MEF2A: variants seen among roughly 807,000 people sequenced by gnomAD.
The protein encoded by MEF2A is myocyte enhancer factor 2A, also known as myocyte-specific enhancer factor 2A.
Under a neutral mutation model 55.8 loss-of-function variants are expected in MEF2A, and 28 were observed. The ratio of observed to expected loss-of-function variants is 0.50; its 90% CI spans 0.37 to 0.69. MEF2A has a LOEUF of 0.69. Ranked by LOEUF, MEF2A falls within the 30% of genes least tolerant of loss-of-function variation. MEF2A has a pLI of 0.00. For missense variants in MEF2A, 528 were observed against 626.2 expected (o/e 0.84, Z 1.67); for synonymous variants, 239 against 227.1 (o/e 1.05, Z -0.47).
chr15:99,586,320 T>C (rs1389579964), intron 1 of MEF2A, among the ~76,000 whole-genome samples: 1 of 152,204 alleles, frequency 6.6e-6, no homozygotes, highest in Non-Finnish European at 1.5e-5. Context: ...TTCCAGTTTC[T>C]CCATATCTTC....
chr15:99,575,935 C>T (rs1396378940), intron 1 of MEF2A, among the ~76,000 whole-genome samples: 2 of 152,198 alleles, frequency 1.3e-5, no homozygotes, highest in African/African-American at 4.8e-5. Context: ...TTAGTGGAAA[C>T]TTCTTCACAT....
intron 4 of MEF2A, among the ~76,000 whole-genome samples, chr15:99,656,574 A>G (rs2047748191): frequency 1.3e-5 from 2 of 152,128 alleles, no homozygotes; most frequent in Admixed American, 1.3e-4. Context: ...ACAATATGAT[A>G]TGATTTCCAG....
chr15:99,625,142 TC>T (rs1482878449), intron 2 of MEF2A, among the ~76,000 whole-genome samples: 1 of 152,200 alleles, frequency 6.6e-6, no homozygotes, highest in African/African-American at 2.4e-5. Context: ...TAGGATATTT[TC>T]AATTTATGGT....
chr15:99,573,804 C>T (rs8035430), intron 1 of MEF2A, among the ~76,000 whole-genome samples: 1 of 152,136 alleles, frequency 6.6e-6, no homozygotes, highest in Non-Finnish European at 1.5e-5. Context: ...AAGTCATTCC[C>T]CATTCTAAAT....
intron 4 of MEF2A, among the ~76,000 whole-genome samples, chr15:99,650,125 A>G (rs1170854345): frequency 6.6e-6 from 1 of 152,166 alleles, no homozygotes; most frequent in East Asian, 1.9e-4. Flanking sequence ...TAAAAAAAAA[A>G]TTCTTCTCGC....
At chr15:99,604,199 C>G (rs1886536641) in intron 2 of MEF2A, among the ~76,000 whole-genome samples, 1 of 152,066 alleles carries the variant, frequency 6.6e-6, no homozygotes, top group South Asian at 2.1e-4. Context: ...TGTTTAAAAC[C>G]AAATTTGGAA....
chr15:99,586,852 A>G (rs893210576), intron 1 of MEF2A, among the ~76,000 whole-genome samples: 4 of 152,184 alleles, frequency 2.6e-5, no homozygotes, highest in Admixed American at 1.3e-4. Flanking sequence ...TTATGAGGTA[A>G]TGTCAAGGTT....
intron 2 of MEF2A, among the ~76,000 whole-genome samples, chr15:99,622,301 AT>A (rs2041316939): frequency 6.6e-6 from 1 of 152,094 alleles, no homozygotes; most frequent in African/African-American, 2.4e-5. Flanking sequence ...AATTGGAGAG[AT>A]TCTTTTTTCC....
chr15:99,613,233 T>C (rs960348731), intron 2 of MEF2A, among the ~76,000 whole-genome samples: 1 of 152,230 alleles, frequency 6.6e-6, no homozygotes, highest in African/African-American at 2.4e-5. Flanking sequence ...TTGCTGGTTT[T>C]ATTGTGGGGC....
intron 2 of MEF2A, among the ~76,000 whole-genome samples, chr15:99,613,621 T>C (rs2039677072): frequency 6.6e-6 from 1 of 152,148 alleles, no homozygotes; most frequent in African/African-American, 2.4e-5. Context: ...TGCAAATGCT[T>C]GCAACTACAG....
chr15:99,691,973 A>G (rs1318243589), intron 8 of MEF2A, among the ~76,000 whole-genome samples: 2 of 152,238 alleles, frequency 1.3e-5, no homozygotes, highest in African/African-American at 4.8e-5. Context: ...AAAAAAAACT[A>G]GAATATATAA....
At chr15:99,639,767 G>A (rs1223062335) in intron 3 of MEF2A, among the ~76,000 whole-genome samples, 2 of 151,770 alleles carry the variant, frequency 1.3e-5, no homozygotes, top group Admixed American at 1.3e-4. Context: ...TATTTTTTCT[G>A]TCTTTGTCCC....
intron 4 of MEF2A, among the ~76,000 whole-genome samples, chr15:99,651,662 C>G (rs2046868339): frequency 2.0e-5 from 3 of 152,220 alleles, no homozygotes; most frequent in Non-Finnish European, 4.4e-5. Flanking sequence ...TGCACCATCG[C>G]CTCACACAGC....
chr15:99,602,382 C>T (rs776406218), intron 2 of MEF2A, among the ~76,000 whole-genome samples: 2 of 152,090 alleles, frequency 1.3e-5, no homozygotes, highest in African/African-American at 4.8e-5. Flanking sequence ...CGTATGTATG[C>T]TTCCTTGAGG....
At chr15:99,587,195 T>C (rs1386341031) in intron 1 of MEF2A, among the ~76,000 whole-genome samples, 1 of 152,158 alleles carries the variant, frequency 6.6e-6, no homozygotes, top group Non-Finnish European at 1.5e-5. Context: ...CTCATAATGC[T>C]ATCCCTCCCC....
Position 99,706,793 on chromosome 15 carries a change from C to T in MEF2A, c.947C>T (p.Thr316Ile), listed in dbSNP as rs1220727361. The T allele has an allele frequency of 4.3e-6, 7 of 1,613,908 alleles. No homozygotes were observed. The highest frequency in any genetic ancestry group is 1.3e-5 in the African/African-American group (1 of 74,926). Residue 316 changes from threonine to isoleucine, a missense_variant, in exon 10 of 12, where the codon ACA becomes ATA. Thr to Ile is a moderately conservative substitution (Grantham distance 89, BLOSUM62 -1). Transcript: ENST00000557942. ...QPLATPVVSV[T>I]TPSLPPQGLV... ...CTTGCTACCCCAGTCGTGTCTGTGA[C>T]AACCCCAAGCTTGCCTCCGCAAGGA... is the stretch of plus-strand genomic sequence containing the variant.
At chr15:99,623,917 A>G (rs1567250257) in intron 2 of MEF2A, among the ~76,000 whole-genome samples, 2 of 151,086 alleles carry the variant, frequency 1.3e-5, no homozygotes. Context: ...AAGTGATTCT[A>G]CTGCCTCAGC....
Position 99,703,273 on chromosome 15 carries a change from T to C in MEF2A, c.859-89T>C. ...TTAGAGTTCCAGACAGCTGCTAGTG[T>C]CCAAATATGTTTTTTCTAAAGAAAT... On this transcript the variant is annotated intron_variant, in intron 8 of 11. Coordinates refer to ENST00000557942, the MANE Select transcript of MEF2A (RefSeq NM_001319206.4). 3 of 1,240,930 alleles carry C rather than the reference T, an allele frequency of 2.4e-6. No individual in the cohort carries two copies. In the Admixed American group the frequency reaches 5.9e-5, roughly 24 times the overall value. The allele number at this position is 1,240,930 out of a possible 1,614,324, so 76.9% of individuals were successfully genotyped here.
intron 1 of MEF2A, among the ~76,000 whole-genome samples, chr15:99,570,943 G>A (rs921255072): frequency 2.6e-5 from 4 of 152,084 alleles, no homozygotes. Flanking sequence ...CCAGAACTTT[G>A]GGAGGTGGAG....
Sources: gnomAD v4.1 joint callset for allele counts (sites outside exome capture counted in the v4.1 genomes callset) on GRCh38, gnomAD v4.1.1 for gene constraint, MANE v1.5 for transcripts, NCBI Gene and HGNC (gene_info 2026-07-23, HGNC 2026-07-21) for gene names.